The following MAST4 variants were observed in gnomAD, a reference collection of about 807,000 sequenced individuals.
MAST4 encodes the protein microtubule-associated serine/threonine-protein kinase 4.
In MAST4, 89 loss-of-function variants were observed where a neutral mutation model predicts 162.7. The observed-to-expected ratio is 0.55, with a 90% CI of 0.46 to 0.65. The LOEUF (loss-of-function observed/expected upper bound fraction) is 0.65, where lower values mean the gene tolerates loss of function less well. MAST4 is among the 30% of genes least tolerant of loss of function. The probability of loss-of-function intolerance (pLI) is 0.00; values close to 1 mark genes in which losing one functional copy is unlikely to be tolerated. For missense variants in MAST4, 3,153 were observed against 3,374.0 expected, an observed-to-expected ratio of 0.93 and a Z score of 1.62; for synonymous variants, 1,479 against 1,361.1, an observed-to-expected ratio of 1.09 and a Z score of -1.91.
chr5:66,741,946 G>A (rs1021212193), intron 1 of MAST4, among the ~76,000 whole-genome samples: 1 of 152,154 alleles, frequency 6.6e-6, no homozygotes, highest in African/African-American at 2.4e-5. Flanking sequence ...AGAGGAAATC[G>A]AGTTGATCTA....
intron 2 of MAST4, among the ~76,000 whole-genome samples, chr5:66,770,750 T>C (rs1046496553): frequency 3.3e-5 from 5 of 152,144 alleles, no homozygotes; most frequent in Non-Finnish European, 7.4e-5. Flanking sequence ...CCCTGGATAG[T>C]GTTGGGAGCC....
In MAST4 at chr5:67,110,095, T is replaced by C. The variant is rs369587628; in HGVS notation, c.1357-3T>C. ...CATCACTCTCTTTATTGCTTTTTCA[T>C]AGGCTCATGATCGTTCAGAAAGTGG... On this transcript the variant is annotated splice_polypyrimidine_tract_variant and splice_region_variant and intron_variant, in intron 10 of 28. Transcript: ENST00000403625. 5 of 1,609,310 alleles carry C rather than the reference T, an allele frequency of 3.1e-6. No individual in the cohort carries two copies. In the African/African-American group the frequency reaches 5.3e-5, roughly 17 times the overall value.
chr5:66,991,729 G>T (rs1232807506), intron 4 of MAST4, among the ~76,000 whole-genome samples: 3 of 152,198 alleles, frequency 2.0e-5, no homozygotes, highest in Non-Finnish European at 4.4e-5. Flanking sequence ...TATTTTGAAA[G>T]GGGAGAGAAA....
At chr5:66,960,727 T>C (rs1745910341) in intron 4 of MAST4, among the ~76,000 whole-genome samples, 1 of 152,258 alleles carries the variant, frequency 6.6e-6, no homozygotes, top group Non-Finnish European at 1.5e-5. Flanking sequence ...TTCTTTCCTC[T>C]TCTTCCTTTA....
intron 1 of MAST4, among the ~76,000 whole-genome samples, chr5:66,678,000 T>C (rs543769647): frequency 6.6e-6 from 1 of 152,106 alleles, no homozygotes; most frequent in South Asian, 2.1e-4. Context: ...TCAGGAAGAG[T>C]TTGAGAATCT....
At chr5:66,980,133 G>A (rs1748605151) in intron 4 of MAST4, among the ~76,000 whole-genome samples, 1 of 152,124 alleles carries the variant, frequency 6.6e-6, no homozygotes, top group African/African-American at 2.4e-5. Flanking sequence ...CTGGGCTGGG[G>A]GAGTAGATGA....
intron 4 of MAST4, among the ~76,000 whole-genome samples, chr5:66,919,382 C>T (rs137947671): frequency 1.2e-4 from 18 of 151,288 alleles, no homozygotes; most frequent in South Asian, 6.3e-4. Flanking sequence ...ATAAACAGGC[C>T]GGGCATGGTG....
chr5:66,665,831 G>C lies in MAST4; in HGVS notation c.363+68813G>C, dbSNP rs115045750. ...TTAGTATCTATTCTATGGGGTTATTGTGAGTATTGAATGAGATAATAAATA... is the reference window on the plus strand; with the variant it reads ...TTAGTATCTATTCTATGGGGTTATTCTGAGTATTGAATGAGATAATAAATA... On this transcript the variant is annotated intron_variant, in intron 1 of 28. Transcript: ENST00000403625. Among the ~76,000 whole-genome samples the C allele has an allele frequency of 3.1e-3, 475 of 152,290 alleles. 1 individual carries two copies. Among genetic ancestry groups the C allele is most frequent in the Admixed American group, 5.8e-3 (88 of 15,298 alleles).
intron 4 of MAST4, among the ~76,000 whole-genome samples, chr5:66,943,848 T>A (rs1428059610): frequency 1.3e-5 from 2 of 152,118 alleles, no homozygotes; most frequent in Non-Finnish European, 2.9e-5. Context: ...AGTTAGAGCA[T>A]GATAAATGAA....
rs137899804 is a variant in MAST4 at position 67,158,188 on chromosome 5, A to G, written c.3649-2268A>G. ...AAAAACCTTCAGTGGTAGACCTTAC[A>G]TACTTACAAAATGATTTTTCTCATT... On this transcript the variant is annotated intron_variant, in intron 26 of 28. Coordinates refer to ENST00000403625, the MANE Select transcript of MAST4 (RefSeq NM_001164664.2). 7.2e-4 allele frequency among the ~76,000 whole-genome samples: 109 copies of G among 152,346 alleles called. 1 individual carries two copies. The East Asian group carries it at 0.019, about 27-fold the overall frequency.
At chr5:66,788,607 C>CCACCCACAAAA in intron 2 of MAST4, 63 bp from the exon 3 acceptor site, 1 of 1,373,728 alleles carries the variant, frequency 7.3e-7, no homozygotes, top group African/African-American at 1.5e-5. Flanking sequence ...CCCCCACCCC[C>CCACCCACAAAA]ATTGCAATAA....
intron 4 of MAST4, among the ~76,000 whole-genome samples, chr5:66,987,171 A>G (rs528601207): frequency 6.6e-6 from 1 of 152,330 alleles, no homozygotes; most frequent in Admixed American, 6.5e-5. Flanking sequence ...TGTGAAAGAA[A>G]CGAGAGCCTT....
chr5:67,071,589 G>A (rs1011475498), intron 5 of MAST4, among the ~76,000 whole-genome samples: 5 of 152,062 alleles, frequency 3.3e-5, no homozygotes, highest in Admixed American at 1.3e-4. Context: ...GCAAAACCCC[G>A]TCTCTACTAA....
intron 4 of MAST4, among the ~76,000 whole-genome samples, chr5:66,928,130 G>T (rs888001981): frequency 6.6e-6 from 1 of 152,074 alleles, no homozygotes; most frequent in African/African-American, 2.4e-5. Context: ...AAATTCAAAG[G>T]TACCAGGTGT....
chr5:66,844,093 T>A (rs1487282566), intron 3 of MAST4, among the ~76,000 whole-genome samples: 1 of 150,152 alleles, frequency 6.7e-6, no homozygotes, highest in Admixed American at 6.7e-5. Context: ...AACTGAAAGC[T>A]GGTGTAAAGT....
chr5:67,155,941 T>A (rs111697928), intron 26 of MAST4, among the ~76,000 whole-genome samples: 2,135 of 151,534 alleles, frequency 0.014, 26 homozygotes, highest in Non-Finnish European at 0.024. Context: ...GCGCCTGTAA[T>A]CCCAGCTACT....
chr5:67,128,720 G>A (rs1433654102), intron 14 of MAST4, among the ~76,000 whole-genome samples: 3 of 152,176 alleles, frequency 2.0e-5, no homozygotes, highest in Non-Finnish European at 4.4e-5. Flanking sequence ...CAGGAGCATA[G>A]GGTGTTCTGG....
intron 2 of MAST4, among the ~76,000 whole-genome samples, chr5:66,780,026 T>C (rs1042353580): frequency 6.6e-6 from 1 of 152,164 alleles, no homozygotes; most frequent in Non-Finnish European, 1.5e-5. Context: ...TACAGTGGTA[T>C]TGGCCAAGCA....
At chr5:66,722,453 G>GTT (rs56786188) in intron 1 of MAST4, among the ~76,000 whole-genome samples, 45,548 of 141,696 alleles carry the variant, frequency 0.32, 7,614 homozygotes, top group Non-Finnish European at 0.39. Flanking sequence ...CTGGTTCTGG[G>GTT]TTTTTTTTTT....
Sources: gnomAD v4.1 joint callset for allele counts (sites outside exome capture counted in the v4.1 genomes callset) on GRCh38, gnomAD v4.1.1 for gene constraint, MANE v1.5 for transcripts, NCBI Gene and HGNC (gene_info 2026-07-23, HGNC 2026-07-21) for gene names.